JAG1: variants seen among roughly 807,000 people sequenced by gnomAD.
JAG1 encodes the protein jagged canonical Notch ligand 1.
In JAG1, 23 loss-of-function variants were observed where a neutral mutation model predicts 148.7. The ratio of observed to expected loss-of-function variants is 0.15; its 90% confidence interval spans 0.11 to 0.22. The LOEUF is 0.22. Among genes scored for constraint, JAG1 ranks in the 10% least tolerant of loss-of-function variants. JAG1 has a pLI of 1.00. For missense variants in JAG1, 1,054 were observed against 1,611.2 expected, an observed-to-expected ratio of 0.65 and a Z score of 5.92; for synonymous variants, 572 against 598.3, an observed-to-expected ratio of 0.96 and a Z score of 0.64.
intron 2 of JAG1, among the ~76,000 whole-genome samples, chr20:10,672,140 G>A (rs889936855): frequency 3.2e-4 from 49 of 152,252 alleles, no homozygotes; most frequent in Admixed American, 1.4e-3. Context: ...GGCCGCCCCC[G>A]GCCCTTAAGC....
At position 10,672,684 on chromosome 20, in the gene JAG1, C is replaced by T. The variant is rs1402866712; in HGVS notation, c.387+17G>A. 1.9e-6 allele frequency: 3 copies of T among 1,611,498 alleles called. No individual in the cohort carries two copies. Among genetic ancestry groups the T allele is most frequent in the East Asian group, 2.2e-5 (1 of 44,870 alleles). On this transcript the variant is annotated intron_variant, in intron 2 of 25. Coordinates refer to ENST00000254958, the MANE Select transcript of JAG1 (RefSeq NM_000214.3). ...GTGTGAGGCTCCGCCCGGCCTCCTT[C>T]CCGAGTAGTCACTCACCGGCCAGGC...
intron 5 of JAG1, 84 bp from the exon 6 acceptor site, chr20:10,652,682 C>G: frequency 6.8e-7 from 1 of 1,463,570 alleles, no homozygotes; most frequent in Non-Finnish European, 9.5e-7. Context: ...CTGCAAAGTC[C>G]AGGCTTTTTC....
At position 10,639,082 on chromosome 20, in the gene JAG1, C is replaced by G. The variant is rs1781678501; in HGVS notation, c.*416G>C. The G allele has an allele frequency of 5.2e-6, 1 of 193,818 alleles. No individual in the cohort carries two copies. The highest frequency in any genetic ancestry group is 2.3e-5 in the African/African-American group (1 of 43,748). The allele number at this position is 193,818 out of a possible 1,614,324, so 12.0% of individuals were successfully genotyped here. On this transcript the variant is annotated 3_prime_UTR_variant, in exon 26 of 26. Transcript: ENST00000254958. ...TGAGCTGCAAAGGCACTTTCAAATA[C>G]AGAACTACTTGTACGTCATCATAAA...
intron 8 of JAG1, chr20:10,651,260 G>A (rs2067344228): frequency 9.7e-6 from 3 of 310,020 alleles, no homozygotes; most frequent in African/African-American, 2.1e-5. Flanking sequence ...AACCTCCCCT[G>A]AAGGCAGCCT....
chr20:10,639,768 A>G lies in JAG1; in HGVS notation c.3387T>C (p.His1129=), dbSNP rs774990729. The G allele has an allele frequency of 3.7e-6, 6 of 1,614,020 alleles. No homozygotes were observed. Among genetic ancestry groups the G allele is most frequent in the South Asian group, 1.1e-5 (1 of 91,084 alleles). Reference sequence around the variant, plus strand: ...CCTTGATGGGGACCGTGTTGGCCCCATGTTTCTCAATGGGGTTTTTGATCT... The same window carrying G: ...CCTTGATGGGGACCGTGTTGGCCCCGTGTTTCTCAATGGGGTTTTTGATCT... ...LNQIKNPIEK[H]GANTVPIKDY... Residue 1129 remains histidine (H), a synonymous_variant, in exon 26 of 26, where the codon CAT becomes CAC. Coordinates refer to ENST00000254958, the MANE Select transcript of JAG1 (RefSeq NM_000214.3).
At chr20:10,658,872 C>G in intron 3 of JAG1, 150 bp from the exon 4 acceptor site, 1 of 758,196 alleles carries the variant, frequency 1.3e-6, no homozygotes, top group Non-Finnish European at 2.2e-6. Context: ...ATGCCCCTAC[C>G]CAGAGACAAC....
At position 10,641,637 on chromosome 20, in the gene JAG1, G is replaced by A. The variant is rs766479402; in HGVS notation, c.2739C>T (p.Ser913=). The change falls in exon 23 of 26, where the codon AGC becomes AGT. Residue 913 remains serine (S), a synonymous_variant. Coordinates refer to ENST00000254958, the MANE Select transcript of JAG1 (RefSeq NM_000214.3). Reference sequence around the variant, plus strand: ...CCAGGATGGGGATGCAGCTCTGCCCGCTGGGGCACTCGCTGTGCCCTTTGT... The same window carrying A: ...CCAGGATGGGGATGCAGCTCTGCCCACTGGGGCACTCGCTGTGCCCTTTGT... The part of the protein sequence containing the change: ...LLHKGHSECP[S]GQSCIPILDD... 2.9e-5 allele frequency: 47 copies of A among 1,613,752 alleles called. No homozygotes were observed. The highest frequency in any genetic ancestry group is 1.2e-4 in the Admixed American group (7 of 60,014).
chr20:10,669,580 A>AAAAAAAAAAAAAAAAAAAAAAAAAAAAC (rs2067481627), intron 2 of JAG1, among the ~76,000 whole-genome samples: 1 of 138,216 alleles, frequency 7.2e-6, no homozygotes, highest in African/African-American at 2.7e-5. Context: ...AAAAAAAAAA[A>AAAAAAAAAAAAAAAAAAAAAAAAAAAAC]AAAAAAAAGT....
At position 10,641,227 on chromosome 20, in the gene JAG1, G is replaced by A. The variant is rs562786709; in HGVS notation, c.2934C>T (p.His978=). 2.1e-5 allele frequency: 34 copies of A among 1,613,996 alleles called. No individual in the cohort carries two copies. The highest frequency in any genetic ancestry group is 8.8e-5 in the South Asian group (8 of 91,088). The change falls in exon 24 of 26, where the codon CAC becomes CAT. Residue 978 remains histidine, a synonymous_variant. Coordinates refer to ENST00000254958, the MANE Select transcript of JAG1 (RefSeq NM_000214.3). ...TCAAATTCCTCAATTCACTGCAAAT[G>A]TGCTCCGTAGTAAGACCCTAAAACG... ...EMMSPGLTTE[H]ICSELRNLNI...
Position 10,651,666 on chromosome 20 carries a change from A to G in JAG1, c.1035T>C (p.Cys345=), listed in dbSNP as rs2122613664. 1 of 1,613,940 alleles carries G rather than the reference A, an allele frequency of 6.2e-7. No homozygotes were observed. The highest frequency in any genetic ancestry group is 8.5e-7 in the Non-Finnish European group (1 of 1,179,866). Reference sequence around the variant, plus strand: ...TCTCCTTACAGCTGCCTCTGTTGTGACAGGGATCAGAGAGGCAGGCGTGCT... The same window carrying G: ...TCTCCTTACAGCTGCCTCTGTTGTGGCAGGGATCAGAGAGGCAGGCGTGCT... The part of the protein sequence containing the change: ...IAEHACLSDP[C]HNRGSCKETS... The change falls in exon 8 of 26, where the codon TGT becomes TGC. Residue 345 remains cysteine (C), a synonymous_variant. Transcript: ENST00000254958.
At chr20:10,672,278 A>G (rs1176927932) in intron 2 of JAG1, among the ~76,000 whole-genome samples, 1 of 152,148 alleles carries the variant, frequency 6.6e-6, no homozygotes, top group African/African-American at 2.4e-5. Context: ...GAGGTTGCCA[A>G]TTTGGACGGC....
At chr20:10,650,594 A>C in intron 8 of JAG1, 2 of 531,486 alleles carry the variant, frequency 3.8e-6, no homozygotes, top group East Asian at 3.4e-5. Flanking sequence ...GTGGGGGAGA[A>C]AGACAGCTGG....
intron 12 of JAG1, among the ~76,000 whole-genome samples, chr20:10,648,317 G>C (rs1049447055): frequency 6.6e-6 from 1 of 152,176 alleles, no homozygotes; most frequent in Admixed American, 6.5e-5. Flanking sequence ...GGGAGCACAA[G>C]AGGGGGTGGA....
Position 10,643,879 on chromosome 20 carries a change from C to A in JAG1, c.2373-16G>T. 2 of 1,606,274 alleles carry A rather than the reference C, an allele frequency of 1.2e-6. No homozygotes were observed. Among genetic ancestry groups the A allele is most frequent in the Non-Finnish European group, 1.7e-6 (2 of 1,173,434 alleles). On this transcript the variant is annotated splice_polypyrimidine_tract_variant and intron_variant, in intron 19 of 25. Transcript: ENST00000254958. ...GCTGTTGTAACTAAGAAAGCAAAGA[C>A]CACCTTGGTTACCAACCTCCCAGTC...
At chr20:10,644,235 G>A in intron 19 of JAG1, 122 bp downstream of exon 19, 1 of 906,566 alleles carries the variant, frequency 1.1e-6, no homozygotes, top group Non-Finnish European at 1.8e-6. Flanking sequence ...CAGACCTCCT[G>A]ACTCAGAACT....
intron 13 of JAG1, 129 bp from the exon 14 acceptor site, chr20:10,647,232 G>A (rs1009259728): frequency 4.7e-5 from 50 of 1,059,062 alleles, no homozygotes; most frequent in Non-Finnish European, 6.9e-5. Context: ...ACACCCCAGG[G>A]AAGCCAAGAT....
intron 3 of JAG1, among the ~76,000 whole-genome samples, chr20:10,663,475 A>G (rs2067431054): frequency 6.6e-6 from 1 of 152,226 alleles, no homozygotes; most frequent in Non-Finnish European, 1.5e-5. Context: ...CGCTTCAATG[A>G]AAGGTTTGTG....
At position 10,638,641 on chromosome 20, in the gene JAG1, C is replaced by CA. The variant is rs3840074; in HGVS notation, c.*856dup. 0.29 allele frequency: 43,694 copies of CA among 152,492 alleles called. 6,489 individuals are homozygous for CA. The highest frequency in any genetic ancestry group is 0.39 in the Admixed American group (5,930 of 15,272). 9.4% of individuals were successfully genotyped at this position (152,492 alleles called of 1,614,324 possible). A position where few individuals can be genotyped will look rare whatever the true frequency, so the allele number is the denominator to read the frequency against. ...GGTGTTTTAAACATCTGACGTCGTA[C>CA]AAAAAAATTCCATCAGTATTCTGGG... On this transcript the variant is annotated 3_prime_UTR_variant, in exon 26 of 26. Coordinates refer to ENST00000254958, the MANE Select transcript of JAG1 (RefSeq NM_000214.3).
intron 5 of JAG1, 148 bp from the exon 6 acceptor site, chr20:10,652,746 GTA>G (rs2122615393): frequency 1.4e-6 from 1 of 730,576 alleles, no homozygotes; most frequent in Admixed American, 2.4e-5. Context: ...CAGGGGCTCC[GTA>G]TAAACAAACA....
Sources: gnomAD v4.1 joint callset for allele counts (sites outside exome capture counted in the v4.1 genomes callset) on GRCh38, gnomAD v4.1.1 for gene constraint, MANE v1.5 for transcripts, NCBI Gene and HGNC (gene_info 2026-07-23, HGNC 2026-07-21) for gene names.